Variants in SYNE1 observed in about 807,000 individuals in gnomAD.
SYNE1 encodes spectrin repeat containing nuclear envelope protein 1.
A neutral mutation model predicts 1,111.0 loss-of-function variants in SYNE1; 616 were observed. The observed-to-expected ratio is 0.55, with a 90% CI of 0.52 to 0.59. The LOEUF (loss-of-function observed/expected upper bound fraction) is 0.59, where lower values mean the gene tolerates loss of function less well. Among genes scored for constraint, SYNE1 ranks in the 20% least tolerant of loss-of-function variants. The pLI, the probability that SYNE1 is intolerant of heterozygous loss-of-function variation, is 0.00. For synonymous variants in SYNE1, 3,855 were observed against 3,825.8 expected (o/e 1.01, Z -0.28); for missense variants, 10,006 against 10,417.0 (o/e 0.96, Z 1.72).
intron 16 of SYNE1, among the ~76,000 whole-genome samples, chr6:152,468,773 T>G (rs910174819): frequency 2.0e-5 from 3 of 151,948 alleles, no homozygotes; most frequent in Admixed American, 6.6e-5. Context: ...TATAATACTT[T>G]ATTTTTATTT....
chr6:152,364,708 G>GGAAGGAAGGAAT (rs2097025386), intron 63 of SYNE1, 139 bp downstream of exon 63: 1 of 879,808 alleles, frequency 1.1e-6, no homozygotes, highest in African/African-American at 1.7e-5. Context: ...AAGGAAGGAA[G>GGAAGGAAGGAAT]GAAGGAAGGA....
At chr6:152,191,900 T>A (rs538125837) in intron 127 of SYNE1, among the ~76,000 whole-genome samples, 1 of 152,080 alleles carries the variant, frequency 6.6e-6, no homozygotes, top group South Asian at 2.1e-4. Flanking sequence ...ACTTCCATCT[T>A]AGTACTGCTT....
chr6:152,542,677 G>A (rs189066359), intron 3 of SYNE1, among the ~76,000 whole-genome samples: 307 of 152,116 alleles, frequency 2.0e-3, no homozygotes, highest in Non-Finnish European at 3.4e-3. Context: ...CCATTATACT[G>A]TCACTCAAGG....
chr6:152,324,272 G>A lies in SYNE1; in HGVS notation c.15658-535C>T, dbSNP rs189623461. Among the ~76,000 whole-genome samples, 160 of 152,200 alleles carry A rather than the reference G, an allele frequency of 1.1e-3. 1 individual carries two copies. Among genetic ancestry groups the A allele is most frequent in the African/African-American group, 3.8e-3 (156 of 41,536 alleles). On this transcript the variant is annotated intron_variant, in intron 81 of 145. Transcript: ENST00000367255. ...AAATTAACCAGGTGTGGTGGCGGGT[G>A]CCTGTAATCCCAGCTACTCATGAGG...
At position 152,208,113 on chromosome 6, in the gene SYNE1, C is replaced by A; in HGVS notation, c.22683G>T (p.Gln7561His). The stretch of plus-strand genomic sequence containing the variant: ...CCCTATAGCGCTGCCACTGGCGAAT[C>A]TGGCTGTCAATGATCCCCCGCCTCT... ...AQQRRGIIDS[Q>H]IRQWQRYREM... Residue 7561 changes from glutamine (Q) to histidine (H), a missense_variant, in exon 125 of 146, where the codon CAG (glutamine) becomes CAT (histidine). This residue lies in a region of SYNE1 where 2,182 missense variants were observed against 2,287.8 expected (regional missense o/e 0.95). Coordinates refer to ENST00000367255, the MANE Select transcript of SYNE1 (RefSeq NM_182961.4). 1 of 1,614,148 alleles carries A rather than the reference C, an allele frequency of 6.2e-7. No homozygotes were observed. The highest frequency in any genetic ancestry group is 8.5e-7 in the Non-Finnish European group (1 of 1,180,018).
chr6:152,629,363 C>T (rs2099692994), intron 2 of SYNE1, among the ~76,000 whole-genome samples: 1 of 151,882 alleles, frequency 6.6e-6, no homozygotes, highest in Non-Finnish European at 1.5e-5. Flanking sequence ...TACCACCACG[C>T]CTGGCTAATT....
chr6:152,236,337 G>A, intron 109 of SYNE1, 34 bp from the exon 110 acceptor site: 1 of 1,516,582 alleles, frequency 6.6e-7, no homozygotes, highest in Non-Finnish European at 9.1e-7. Flanking sequence ...TAAAAGTTTG[G>A]ATATGCAATT....
intron 16 of SYNE1, 109 bp from the exon 17 acceptor site, chr6:152,466,187 T>C: frequency 1.5e-6 from 1 of 681,420 alleles, no homozygotes; most frequent in South Asian, 1.6e-5. Context: ...AATTTGTTAA[T>C]CTCAGTCTTC....
intron 131 of SYNE1, among the ~76,000 whole-genome samples, chr6:152,160,279 A>C (rs2062196367): frequency 6.6e-6 from 1 of 152,056 alleles, no homozygotes; most frequent in African/African-American, 2.4e-5. Flanking sequence ...CTCTCTCTCT[A>C]ATTTATAATG....
intron 41 of SYNE1, among the ~76,000 whole-genome samples, chr6:152,413,985 AATATAT>A (rs3046241): frequency 9.3e-4 from 136 of 145,478 alleles, no homozygotes; most frequent in African/African-American, 2.1e-3. Context: ...AGCTCTGCAG[AATATAT>A]ATATATATAT....
At chr6:152,302,277 C>T (rs115590733) in intron 91 of SYNE1, 1 of 628,310 alleles carries the variant, frequency 1.6e-6, no homozygotes, top group East Asian at 2.8e-5. Flanking sequence ...AGTGCCCGAG[C>T]CCGCGTCCCC....
chr6:152,517,976 C>T (rs902058054), intron 6 of SYNE1, among the ~76,000 whole-genome samples: 4 of 151,534 alleles, frequency 2.6e-5, no homozygotes, highest in East Asian at 3.9e-4. Context: ...CAAATAAAAT[C>T]GACCAGGATG....
intron 51 of SYNE1, among the ~76,000 whole-genome samples, chr6:152,392,487 G>C (rs1591766695): frequency 6.6e-6 from 1 of 152,134 alleles, no homozygotes; most frequent in East Asian, 1.9e-4. Flanking sequence ...GGTAGCATGG[G>C]ATGTCTTAAC....
chr6:152,491,382 C>T (rs2098969448), intron 11 of SYNE1, among the ~76,000 whole-genome samples: 2 of 152,160 alleles, frequency 1.3e-5, no homozygotes, highest in Non-Finnish European at 2.9e-5. Flanking sequence ...GGGCTGCTCA[C>T]CACCCCCTTC....
Position 152,381,101 on chromosome 6 carries a change from A to C in SYNE1, c.8914T>G (p.Phe2972Val), listed in dbSNP as rs1179794199. ...VAQLEQALEQ[F>V]SALLKTWAQQ... ...GCCCAGGTTTTCAGAAGGGCACTGA[A>C]CTGTTCCAGGGCCTGCTCCAGTTGA... Residue 2972 changes from phenylalanine to valine, a missense_variant, in exon 56 of 146, where the codon TTC (phenylalanine) becomes GTC (valine). Phe to Val is a conservative substitution (Grantham distance 50). This residue lies in a region of SYNE1 where 4,955 missense variants were observed against 5,017.2 expected (regional missense o/e 0.99). Transcript: ENST00000367255. The C allele has an allele frequency of 6.2e-7, 1 of 1,614,136 alleles. No individual in the cohort carries two copies. Among genetic ancestry groups the C allele is most frequent in the East Asian group, 2.2e-5 (1 of 44,876 alleles).
In SYNE1 at chr6:152,352,338, T is replaced by G; in HGVS notation, c.11269A>C (p.Met3757Leu). Reference protein sequence around the residue: ...LKTLEVLLKDMEKGHSLLKSA... With the variant: ...LKTLEVLLKDLEKGHSLLKSA... ...TTCAGCAAACTGTGACCTTTCTCCA[T>G]GTCTTTGAGCAAAACCTGAAAAAGA... Residue 3757 changes from methionine to leucine, a missense_variant, in exon 70 of 146, where the codon ATG becomes CTG. Around this residue, in one of 7 missense-constraint regions of SYNE1, gnomAD observed 4,955 missense variants for 5,017.2 expected, o/e 0.99. Transcript: ENST00000367255. The G allele has an allele frequency of 6.2e-7, 1 of 1,614,130 alleles. No individual in the cohort carries two copies. Among genetic ancestry groups the G allele is most frequent in the East Asian group, 2.2e-5 (1 of 44,874 alleles).
Position 152,391,278 on chromosome 6 carries a change from T to C in SYNE1, c.8003A>G (p.Gln2668Arg), listed in dbSNP as rs2154133685. ...GTGTCTGGCTGGTGTCGCATGTACCTGTATTTGTGACAGCCGTTTCTCCAG... is the reference window on the plus strand; with the variant it reads ...GTGTCTGGCTGGTGTCGCATGTACCCGTATTTGTGACAGCCGTTTCTCCAG... The part of the protein sequence containing the change: ...DTLEKRLSQI[Q>R]DILLMKGEGE... The change falls in exon 52 of 146, where the codon CAG becomes CGG. Residue 2668 changes from glutamine to arginine, a missense_variant and splice_region_variant. By Grantham distance (43) the Gln-to-Arg change is conservative. This residue lies in a region of SYNE1 where 4,955 missense variants were observed against 5,017.2 expected (regional missense o/e 0.99). Transcript: ENST00000367255. The C allele has an allele frequency of 9.9e-6, 16 of 1,613,996 alleles. No individual in the cohort carries two copies. The highest frequency in any genetic ancestry group is 1.2e-5 in the Non-Finnish European group (14 of 1,179,992).
chr6:152,520,820 C>T (rs548848880), intron 5 of SYNE1, among the ~76,000 whole-genome samples: 4 of 152,294 alleles, frequency 2.6e-5, no homozygotes, highest in African/African-American at 9.6e-5. Flanking sequence ...AAATTATTTA[C>T]TGAGACCTCT....
intron 98 of SYNE1, among the ~76,000 whole-genome samples, chr6:152,275,694 A>G (rs2093567751): frequency 1.3e-5 from 2 of 151,618 alleles, no homozygotes; most frequent in Admixed American, 1.3e-4. Context: ...AGCCTGGGCA[A>G]CATTGAGAGA....
Sources: allele counts gnomAD v4.1 joint callset (sites outside exome capture counted in the v4.1 genomes callset), GRCh38; gene constraint gnomAD v4.1.1; regional missense constraint gnomAD v4.1.1; transcripts MANE v1.5; gene names NCBI Gene and HGNC (gene_info 2026-07-23, HGNC 2026-07-21).